ELMO1: variants seen among roughly 807,000 people sequenced by gnomAD.
ELMO1 encodes engulfment and cell motility protein 1.
A neutral mutation model predicts 98.9 loss-of-function variants in ELMO1; 26 were observed. The observed-to-expected ratio is 0.26, with a 90% CI of 0.19 to 0.36. ELMO1 has a LOEUF of 0.36. Ranked by LOEUF, ELMO1 falls within the 10% of genes least tolerant of loss-of-function variation. The pLI is 1.00. For missense variants in ELMO1, 627 were observed against 935.2 expected, an observed-to-expected ratio of 0.67 and a Z score of 4.30; for synonymous variants, 346 against 346.0, an observed-to-expected ratio of 1.00 and a Z score of 0.00.
At chr7:37,159,113 A>G (rs1364029421) in intron 13 of ELMO1, among the ~76,000 whole-genome samples, 3 of 152,194 alleles carry the variant, frequency 2.0e-5, no homozygotes, top group Non-Finnish European at 4.4e-5. Context: ...ATGAGAACAC[A>G]TGCACACAGG....
At position 37,025,821 on chromosome 7, in the gene ELMO1, A is replaced by G. The variant is rs773707196; in HGVS notation, c.1301-12386T>C. On this transcript the variant is annotated intron_variant, in intron 15 of 21. Transcript: ENST00000310758. ...CTCATATATATATACTTACATACAT[A>G]TATATCATATATATTCTATATATAC... Among the ~76,000 whole-genome samples, 26 of 151,076 alleles carry G rather than the reference A, an allele frequency of 1.7e-4. 1 individual carries two copies. In the South Asian group the frequency reaches 2.9e-3, roughly 17 times the overall value.
At chr7:37,135,600 T>C (rs1337649774) in intron 13 of ELMO1, among the ~76,000 whole-genome samples, 1 of 152,202 alleles carries the variant, frequency 6.6e-6, no homozygotes, top group Non-Finnish European at 1.5e-5. Flanking sequence ...GTAGCTCTGC[T>C]GGGTGGCTAG....
chr7:37,272,695 A>G (rs577309869), intron 4 of ELMO1, among the ~76,000 whole-genome samples: 1 of 151,332 alleles, frequency 6.6e-6, no homozygotes, highest in Non-Finnish European at 1.5e-5. Context: ...AAAAAAAAAA[A>G]GGAATTAAGT....
At chr7:37,346,616 T>G (rs1163516909) in intron 1 of ELMO1, among the ~76,000 whole-genome samples, 1 of 152,256 alleles carries the variant, frequency 6.6e-6, no homozygotes, top group Non-Finnish European at 1.5e-5. Flanking sequence ...ACATCCAAGT[T>G]CAATTACATA....
chr7:37,203,693 C>T (rs1215490723), intron 13 of ELMO1, among the ~76,000 whole-genome samples: 4 of 152,024 alleles, frequency 2.6e-5, no homozygotes, highest in African/African-American at 4.8e-5. Flanking sequence ...AGAAGAGAGG[C>T]GAGAGGAAGT....
At chr7:37,171,229 A>G (rs536648685) in intron 13 of ELMO1, among the ~76,000 whole-genome samples, 10 of 152,256 alleles carry the variant, frequency 6.6e-5, no homozygotes, top group African/African-American at 2.2e-4. Flanking sequence ...TTTTAAAAAT[A>G]TATTAGATAC....
intron 1 of ELMO1, among the ~76,000 whole-genome samples, chr7:37,382,486 A>T (rs1376595402): frequency 1.3e-5 from 2 of 152,202 alleles, no homozygotes; most frequent in East Asian, 3.9e-4. Flanking sequence ...AAGCAGAAAC[A>T]GGACATGCTC....
chr7:36,875,780 CA>C (rs1803909341), intron 19 of ELMO1, among the ~76,000 whole-genome samples: 1 of 152,136 alleles, frequency 6.6e-6, no homozygotes, highest in Admixed American at 6.5e-5. Flanking sequence ...AGCTTGTGGG[CA>C]AGACCAGGAA....
intron 1 of ELMO1, chr7:37,351,176 GAAC>G (rs1300383343): frequency 6.6e-6 from 1 of 152,004 alleles, no homozygotes; most frequent in Non-Finnish European, 1.5e-5. Context: ...ACTAAAACTG[GAAC>G]AATACAGAGA....
At chr7:37,303,958 G>A (rs908155472) in intron 4 of ELMO1, among the ~76,000 whole-genome samples, 5 of 152,068 alleles carry the variant, frequency 3.3e-5, no homozygotes, top group East Asian at 1.9e-4. Flanking sequence ...AAAACCCACC[G>A]ACATCTGAGT....
chr7:37,267,322 G>A (rs978660110), intron 5 of ELMO1, among the ~76,000 whole-genome samples: 1 of 152,114 alleles, frequency 6.6e-6, no homozygotes, highest in African/African-American at 2.4e-5. Context: ...ACTAACAACT[G>A]CACAGTATTC....
chr7:37,388,076 A>G (rs984527069), intron 1 of ELMO1, among the ~76,000 whole-genome samples: 4 of 152,050 alleles, frequency 2.6e-5, no homozygotes, highest in Admixed American at 2.0e-4. Flanking sequence ...GGCCCCAAGC[A>G]ATCCTCCAGC....
intron 4 of ELMO1, among the ~76,000 whole-genome samples, chr7:37,308,847 G>T (rs566463737): frequency 6.6e-6 from 1 of 152,290 alleles, no homozygotes; most frequent in Non-Finnish European, 1.5e-5. Flanking sequence ...CAGCCTTTGG[G>T]CATCCACGCA....
chr7:37,221,653 T>A (rs1793601858), intron 10 of ELMO1, among the ~76,000 whole-genome samples: 1 of 152,066 alleles, frequency 6.6e-6, no homozygotes, highest in South Asian at 2.1e-4. Flanking sequence ...AAGGACACCA[T>A]CAGAGGAAAG....
chr7:36,988,898 C>T (rs1211234188), intron 16 of ELMO1, among the ~76,000 whole-genome samples: 1 of 152,218 alleles, frequency 6.6e-6, no homozygotes, highest in Non-Finnish European at 1.5e-5. Flanking sequence ...AGTTAAATGA[C>T]TCCTTGCCCA....
chr7:37,078,777 A>T (rs764258004), intron 15 of ELMO1, among the ~76,000 whole-genome samples: 6 of 152,244 alleles, frequency 3.9e-5, no homozygotes, highest in Non-Finnish European at 8.8e-5. Flanking sequence ...AATTAATTAT[A>T]GTAGATACAC....
chr7:37,072,255 C>T (rs752201380), intron 15 of ELMO1, among the ~76,000 whole-genome samples: 6 of 152,118 alleles, frequency 3.9e-5, no homozygotes, highest in Non-Finnish European at 7.4e-5. Context: ...CCACAATTCC[C>T]GCGTGTTGTA....
rs80171514 is a variant in ELMO1 at position 37,349,177 on chromosome 7, C to G, written c.-73-6414G>C. ...ATCTGCTTCCACTCCTCAGCCCCTTCCTTCCTCACCAGAAAAGCTGTCCTC... is the reference window on the plus strand; with the variant it reads ...ATCTGCTTCCACTCCTCAGCCCCTTGCTTCCTCACCAGAAAAGCTGTCCTC... On this transcript the variant is annotated intron_variant, in intron 1 of 21. Coordinates refer to ENST00000310758, the MANE Select transcript of ELMO1 (RefSeq NM_014800.11). Among the ~76,000 whole-genome samples, 409 of 152,330 alleles carry G rather than the reference C, an allele frequency of 2.7e-3. 6 individuals are homozygous for G. Among genetic ancestry groups the G allele is most frequent in the East Asian group, 0.019 (96 of 5,178 alleles).
intron 6 of ELMO1, among the ~76,000 whole-genome samples, chr7:37,253,580 G>A (rs971257349): frequency 1.3e-5 from 2 of 152,062 alleles, no homozygotes; most frequent in Non-Finnish European, 2.9e-5. Flanking sequence ...CCTGTCAGAG[G>A]GTGAGAGGCT....
Sources: allele counts gnomAD v4.1 joint callset (sites outside exome capture counted in the v4.1 genomes callset), GRCh38; gene constraint gnomAD v4.1.1; transcripts MANE v1.5; gene names NCBI Gene and HGNC (gene_info 2026-07-23, HGNC 2026-07-21).